The following APBA2 variants were observed in gnomAD, a reference collection of about 807,000 sequenced individuals.
APBA2 encodes amyloid-beta A4 precursor protein-binding family A member 2.
A neutral mutation model predicts 75.0 loss-of-function variants in APBA2; 30 were observed. The observed-to-expected ratio is 0.40, with a 90% CI of 0.30 to 0.54. APBA2 has a LOEUF of 0.54. Among genes scored for constraint, APBA2 ranks in the 20% least tolerant of loss-of-function variants. The probability of loss-of-function intolerance (pLI) is 0.49; values close to 1 mark genes in which losing one functional copy is unlikely to be tolerated. For missense variants in APBA2, 801 were observed against 1,016.1 expected, an observed-to-expected ratio of 0.79 and a Z score of 2.88; for synonymous variants, 444 against 409.6, an observed-to-expected ratio of 1.08 and a Z score of -1.01.
intron 1 of APBA2, among the ~76,000 whole-genome samples, chr15:28,888,143 T>G (rs2152597939): frequency 6.6e-6 from 1 of 152,274 alleles, no homozygotes; most frequent in Non-Finnish European, 1.5e-5. Context: ...TTCTAACCTC[T>G]TTTTTTCAAC....
chr15:29,094,095 G>A (rs113877407), intron 7 of APBA2, among the ~76,000 whole-genome samples, 183 bp from the exon 8 acceptor site: 1,914 of 152,366 alleles, frequency 0.013, 35 homozygotes, highest in African/African-American at 0.044. Flanking sequence ...AGGGACACCT[G>A]TGTGGGCTTC....
chr15:29,076,251 C>T (rs1236471382), intron 6 of APBA2, among the ~76,000 whole-genome samples, 160 bp downstream of exon 6: 1 of 152,176 alleles, frequency 6.6e-6, no homozygotes, highest in Non-Finnish European at 1.5e-5. Flanking sequence ...CTGTGTAGCC[C>T]CACTTAGTGG....
chr15:29,018,467 A>G (rs1159340414), intron 3 of APBA2, among the ~76,000 whole-genome samples: 2 of 152,184 alleles, frequency 1.3e-5, no homozygotes, highest in African/African-American at 4.8e-5. Context: ...CCTATGAGCA[A>G]GAAGGATGAA....
intron 1 of APBA2, among the ~76,000 whole-genome samples, chr15:28,915,335 C>T (rs2033640272): frequency 6.6e-6 from 1 of 150,414 alleles, no homozygotes; most frequent in African/African-American, 2.5e-5. Flanking sequence ...ATATCCCATA[C>T]ACACCAAACA....
At chr15:29,052,606 A>C (rs2041657967) in intron 3 of APBA2, among the ~76,000 whole-genome samples, 1 of 152,126 alleles carries the variant, frequency 6.6e-6, no homozygotes, top group Non-Finnish European at 1.5e-5. Flanking sequence ...TCCCCACGCC[A>C]GGCCCAGAGA....
Position 28,978,277 on chromosome 15 carries a change from C to T in APBA2, c.-94-17476C>T, listed in dbSNP as rs529734566. Among the ~76,000 whole-genome samples, 11 of 152,332 alleles carry T rather than the reference C, an allele frequency of 7.2e-5. No individual in the cohort carries two copies. In the East Asian group the frequency reaches 1.2e-3, roughly 16 times the overall value. ...TGCAGAAGCCATAAGCCGCATGATC[C>T]GTGAGCCTGGCCCTGCAACTTGGCT... On this transcript the variant is annotated intron_variant, in intron 2 of 14. Transcript: ENST00000683413.
At chr15:28,989,771 G>C (rs990703040) in intron 2 of APBA2, among the ~76,000 whole-genome samples, 17 of 152,168 alleles carry the variant, frequency 1.1e-4, no homozygotes, top group African/African-American at 3.9e-4. Flanking sequence ...GCTTGTCTCC[G>C]CACTCCCTGG....
intron 6 of APBA2, 149 bp downstream of exon 6, chr15:29,076,240 A>G (rs2152926263): frequency 2.3e-6 from 2 of 882,268 alleles, no homozygotes; most frequent in South Asian, 2.7e-5. Context: ...CTGTTTGAAC[A>G]CTGTGTAGCC....
chr15:29,000,999 T>G (rs1308035761), intron 3 of APBA2, among the ~76,000 whole-genome samples: 1 of 152,126 alleles, frequency 6.6e-6, no homozygotes, highest in African/African-American at 2.4e-5. Flanking sequence ...TCTCAGGTGC[T>G]TCTCTTTATC....
chr15:29,046,227 A>G lies in APBA2; in HGVS notation c.-40-7618A>G, dbSNP rs1008833164. ...CAGGAATATGCTTTTAGTGAACTCA[A>G]TGAGATACCAGAAATCCAGTAGGAG... is the stretch of plus-strand genomic sequence containing the variant. On this transcript the variant is annotated intron_variant, in intron 3 of 14. Coordinates refer to ENST00000683413, the MANE Select transcript of APBA2 (RefSeq NM_001353788.2). This position sits in a 1 kb window ranked among gnomAD's most constrained non-coding sequence, Gnocchi z 5.0. 1.3e-5 allele frequency among the ~76,000 whole-genome samples: 2 copies of G among 152,236 alleles called. No homozygotes were observed. Among genetic ancestry groups the G allele is most frequent in the Non-Finnish European group, 2.9e-5 (2 of 68,040 alleles).
intron 9 of APBA2, among the ~76,000 whole-genome samples, chr15:29,099,919 A>G (rs2044034953): frequency 6.6e-6 from 1 of 152,232 alleles, no homozygotes; most frequent in South Asian, 2.1e-4. Flanking sequence ...GAGATGAGAA[A>G]TCTCCTAGGC....
intron 4 of APBA2, chr15:29,071,130 T>A (rs1195482598): frequency 2.2e-6 from 1 of 449,094 alleles, no homozygotes; most frequent in Non-Finnish European, 4.5e-6. Context: ...TGTTGTTTCA[T>A]CCAAAGCAAT....
chr15:29,076,377 A>G (rs1400807526), intron 6 of APBA2, among the ~76,000 whole-genome samples: 2 of 151,594 alleles, frequency 1.3e-5, no homozygotes, highest in South Asian at 4.2e-4. Context: ...ATAGATTGAG[A>G]TGTGTCTTTA....
At chr15:29,117,038 T>C in intron 14 of APBA2, 24 bp from the exon 15 acceptor site, 2 of 1,612,346 alleles carry the variant, frequency 1.2e-6, no homozygotes, top group Non-Finnish European at 1.7e-6. Flanking sequence ...GGGCAGCGGC[T>C]CAGCCTCCTG....
At chr15:29,097,548 G>A (rs1343754893) in intron 8 of APBA2, among the ~76,000 whole-genome samples, 1 of 152,170 alleles carries the variant, frequency 6.6e-6, no homozygotes, top group Non-Finnish European at 1.5e-5. Context: ...TTACATTGAC[G>A]GATAAAATTG....
At chr15:29,116,556 G>A (rs1261256128) in intron 14 of APBA2, among the ~76,000 whole-genome samples, 2 of 151,384 alleles carry the variant, frequency 1.3e-5, no homozygotes, top group East Asian at 1.9e-4. Flanking sequence ...TGAACCCGGG[G>A]GGCAGAGCTT....
chr15:28,925,921 G>A (rs1418410336), intron 2 of APBA2, among the ~76,000 whole-genome samples: 1 of 152,130 alleles, frequency 6.6e-6, no homozygotes, highest in African/African-American at 2.4e-5. Context: ...CTCTCATTAT[G>A]TAATGTCGCC....
chr15:28,943,419 G>A (rs2035349526), intron 2 of APBA2, among the ~76,000 whole-genome samples: 1 of 152,212 alleles, frequency 6.6e-6, no homozygotes, highest in Non-Finnish European at 1.5e-5. Context: ...TCTCCCATCT[G>A]TGCCCTGCAT....
At chr15:28,923,091 A>G (rs1241815282) in intron 2 of APBA2, among the ~76,000 whole-genome samples, 1 of 152,158 alleles carries the variant, frequency 6.6e-6, no homozygotes, top group Non-Finnish European at 1.5e-5. Context: ...TTGCACCTCA[A>G]AGGCTTGGTC....
Sources: gnomAD v4.1 joint callset for allele counts (sites outside exome capture counted in the v4.1 genomes callset) on GRCh38, gnomAD v4.1.1 for gene constraint, Gnocchi (gnomAD v3.1) non-coding constraint, MANE v1.5 for transcripts, NCBI Gene and HGNC (gene_info 2026-07-23, HGNC 2026-07-21) for gene names.